MYO10: variants seen among roughly 807,000 people sequenced by gnomAD.
MYO10 encodes unconventional myosin-X.
Under a neutral mutation model 257.3 loss-of-function variants are expected in MYO10, and 133 were observed. The observed-to-expected ratio is 0.52, with a 90% CI of 0.45 to 0.60. The LOEUF (loss-of-function observed/expected upper bound fraction) is 0.60. MYO10 is among the 20% of genes least tolerant of loss of function. The pLI is 0.00. For synonymous variants in MYO10, 1,104 were observed against 1,028.6 expected, an observed-to-expected ratio of 1.07 and a Z score of -1.40; for missense variants, 2,399 against 2,635.7, an observed-to-expected ratio of 0.91 and a Z score of 1.97.
intron 9 of MYO10, among the ~76,000 whole-genome samples, chr5:16,777,651 A>G (rs1315092136): frequency 6.6e-6 from 1 of 152,032 alleles, no homozygotes; most frequent in Non-Finnish European, 1.5e-5. Context: ...GGGTAAGGTT[A>G]GGCTGGTCAC....
At chr5:16,715,250 TA>T (rs943860529) in intron 19 of MYO10, among the ~76,000 whole-genome samples, 4 of 150,440 alleles carry the variant, frequency 2.7e-5, no homozygotes, top group Middle Eastern at 3.5e-3. Flanking sequence ...GAATCTTACT[TA>T]AAAAAAAATA....
At chr5:16,839,696 G>A (rs1260516004) in intron 2 of MYO10, among the ~76,000 whole-genome samples, 2 of 152,042 alleles carry the variant, frequency 1.3e-5, no homozygotes, top group Admixed American at 6.5e-5. Flanking sequence ...AGCCGAGATC[G>A]CACTACTGCA....
intron 19 of MYO10, among the ~76,000 whole-genome samples, chr5:16,724,070 T>C (rs1328001167): frequency 5.3e-5 from 8 of 152,162 alleles, no homozygotes; most frequent in Non-Finnish European, 1.2e-4. Context: ...TTTAGAGCAC[T>C]AGAATAAACC....
intron 2 of MYO10, among the ~76,000 whole-genome samples, chr5:16,850,075 A>T (rs1323912829): frequency 1.3e-5 from 2 of 152,204 alleles, no homozygotes; most frequent in African/African-American, 4.8e-5. Context: ...TAAGACAAAG[A>T]GGAATGCTTT....
rs780263399 is a variant in MYO10, at chr5:16,672,840, A to AG, written c.5173-16dup. 1.2e-6 allele frequency: 2 copies of AG among 1,610,950 alleles called. No homozygotes were observed. The highest frequency in any genetic ancestry group is 1.7e-6 in the Non-Finnish European group (2 of 1,178,526). On this transcript the variant is annotated splice_polypyrimidine_tract_variant and intron_variant, in intron 36 of 40. Transcript: ENST00000513610. Reference sequence around the variant, plus strand: ...TTCTCCACCACCTGGAAGACACACCAGGGGGACTTCAGTTCCACAGGCTGC... The same window carrying AG: ...TTCTCCACCACCTGGAAGACACACCAGGGGGGACTTCAGTTCCACAGGCTGC...
At position 16,689,138 on chromosome 5, in the gene MYO10, C is replaced by T. The variant is rs994766679; in HGVS notation, c.3896+686G>A. Among the ~76,000 whole-genome samples, 16 of 152,148 alleles carry T rather than the reference C, an allele frequency of 1.1e-4. 1 individual carries two copies. Among genetic ancestry groups the T allele is most frequent in the Admixed American group, 8.5e-4 (13 of 15,274 alleles). On this transcript the variant is annotated intron_variant, in intron 28 of 40. Coordinates refer to ENST00000513610, the MANE Select transcript of MYO10 (RefSeq NM_012334.3). ...AAATGATACTAACCGTTCTCTGTAC[C>T]CTAGTCTCTTATTCTGCAAAGTATG...
chr5:16,913,774 G>A (rs1458600485), intron 1 of MYO10, among the ~76,000 whole-genome samples: 2 of 152,158 alleles, frequency 1.3e-5, no homozygotes, highest in African/African-American at 4.8e-5. Context: ...TCAGAAATAA[G>A]GCCAGCAAAA....
At position 16,839,850 on chromosome 5, in the gene MYO10, C is replaced by CT. The variant is rs558666952; in HGVS notation, c.121-21684dup. 6.6e-5 allele frequency among the ~76,000 whole-genome samples: 10 copies of CT among 152,258 alleles called. No homozygotes were observed. The South Asian group carries it at 2.1e-3, about 32-fold the overall frequency. ...GATGTTTAAGGTAGGCTAGGCTAGG[C>CT]TATGGCGTTCAGTAGGTTAGGTGGA... On this transcript the variant is annotated intron_variant, in intron 2 of 40. Coordinates refer to ENST00000513610, the MANE Select transcript of MYO10 (RefSeq NM_012334.3).
At chr5:16,761,989 G>GTT in intron 16 of MYO10, 56 bp downstream of exon 16, 1 of 1,465,964 alleles carries the variant, frequency 6.8e-7, no homozygotes, top group East Asian at 2.5e-5. Context: ...TGAAACCACT[G>GTT]TTTTCTCTGA....
At chr5:16,718,116 T>C (rs1332372188) in intron 19 of MYO10, among the ~76,000 whole-genome samples, 3 of 152,162 alleles carry the variant, frequency 2.0e-5, no homozygotes, top group Non-Finnish European at 4.4e-5. Context: ...GCGGAGGGTG[T>C]ACTGGGTCCC....
At chr5:16,912,072 T>C (rs975633353) in intron 1 of MYO10, among the ~76,000 whole-genome samples, 8 of 152,102 alleles carry the variant, frequency 5.3e-5, no homozygotes, top group African/African-American at 1.9e-4. Context: ...TGTTTGTTTG[T>C]TTTTAAGCTC....
Position 16,670,412 on chromosome 5 carries a change from G to C in MYO10, c.5883+114C>G. 3 of 907,880 alleles carry C rather than the reference G, an allele frequency of 3.3e-6. No homozygotes were observed. In the South Asian group the frequency reaches 5.4e-5, roughly 16 times the overall value. 56.2% of individuals were successfully genotyped at this position (907,880 alleles called of 1,614,324 possible). On this transcript the variant is annotated intron_variant, in intron 39 of 40. Coordinates refer to ENST00000513610, the MANE Select transcript of MYO10 (RefSeq NM_012334.3). ...CAATTCTGGGGGCTCGAATAAAAGA[G>C]GTTGAGAGAGCAAAATGCTCCATCT...
intron 9 of MYO10, among the ~76,000 whole-genome samples, chr5:16,774,851 A>T: frequency 6.6e-6 from 1 of 152,234 alleles, no homozygotes; most frequent in South Asian, 2.1e-4. Flanking sequence ...GAAAGTAAAA[A>T]GTTGGTCCTT....
At chr5:16,885,533 C>T (rs571412803) in intron 1 of MYO10, among the ~76,000 whole-genome samples, 7 of 152,052 alleles carry the variant, frequency 4.6e-5, no homozygotes, top group East Asian at 3.9e-4. Context: ...ATTAGCTGGG[C>T]GCAGTGGTGG....
intron 2 of MYO10, among the ~76,000 whole-genome samples, chr5:16,856,501 G>A (rs1475630376): frequency 5.3e-5 from 8 of 151,556 alleles, no homozygotes; most frequent in Non-Finnish European, 1.5e-5. Flanking sequence ...AGTGAGCCGA[G>A]ATCGCACCAC....
At chr5:16,916,499 G>A (rs1018657344) in intron 1 of MYO10, 1 of 170,286 alleles carries the variant, frequency 5.9e-6, no homozygotes, top group South Asian at 1.4e-4. Context: ...GGAGAAGCAT[G>A]GAAAGAACTC....
At chr5:16,774,406 T>TA (rs1470271895) in intron 9 of MYO10, among the ~76,000 whole-genome samples, 2 of 152,150 alleles carry the variant, frequency 1.3e-5, no homozygotes, top group Admixed American at 1.3e-4. Flanking sequence ...TACATCATGT[T>TA]ACTTATTTAT....
intron 4 of MYO10, among the ~76,000 whole-genome samples, chr5:16,783,676 C>T (rs544415822): frequency 1.2e-4 from 19 of 152,206 alleles, no homozygotes; most frequent in Admixed American, 2.0e-4. Flanking sequence ...CCTTACTCGC[C>T]TCTTTTGGCA....
chr5:16,813,341 A>ACAGGCT lies in MYO10; in HGVS notation c.279+4667_279+4668insAGCCTG, dbSNP rs1302565251. Reference sequence around the variant, plus strand: ...TCAAGACCAGCCTGTGCAACATAGCAATGTTTTATAAATTTAAAAAAATTA... The same window carrying ACAGGCT: ...TCAAGACCAGCCTGTGCAACATAGCACAGGCTATGTTTTATAAATTTAAAAAAATTA... On this transcript the variant is annotated intron_variant, in intron 3 of 40. Transcript: ENST00000513610. Among the ~76,000 whole-genome samples the ACAGGCT allele has an allele frequency of 4.6e-5, 7 of 152,266 alleles. No homozygotes were observed. The East Asian group carries it at 1.4e-3, about 29-fold the overall frequency.
Sources: gnomAD v4.1 joint callset for allele counts (sites outside exome capture counted in the v4.1 genomes callset) on GRCh38, gnomAD v4.1.1 for gene constraint, MANE v1.5 for transcripts, NCBI Gene and HGNC (gene_info 2026-07-23, HGNC 2026-07-21) for gene names.